Variants in ZDHHC3 observed in about 807,000 individuals in gnomAD.
ZDHHC3 encodes the protein zDHHC palmitoyltransferase 3, also known as palmitoyltransferase ZDHHC3.
In ZDHHC3, 9 loss-of-function variants were observed where a neutral mutation model predicts 30.6. The observed-to-expected ratio is 0.29, with a 90% CI of 0.18 to 0.51. ZDHHC3 has a LOEUF of 0.51. Among genes scored for constraint, ZDHHC3 ranks in the 20% least tolerant of loss-of-function variants. The probability of loss-of-function intolerance (pLI) is 0.97; values close to 1 mark genes in which losing one functional copy is unlikely to be tolerated. For missense variants in ZDHHC3, 246 were observed against 384.2 expected (o/e 0.64, Z 3.01); for synonymous variants, 136 against 140.2 (o/e 0.97, Z 0.21).
At chr3:44,952,121 G>A (rs1456245300) in intron 2 of ZDHHC3, among the ~76,000 whole-genome samples, 3 of 152,128 alleles carry the variant, frequency 2.0e-5, no homozygotes, top group Admixed American at 6.5e-5. Context: ...CAGCTAAAAC[G>A]GAACCTGCTG....
Position 44,926,177 on chromosome 3 carries a change from C to CT in ZDHHC3, c.*511dup, listed in dbSNP as rs1195103048. 7.1e-6 allele frequency: 7 copies of CT among 985,750 alleles called. No homozygotes were observed. The highest frequency in any genetic ancestry group is 8.4e-6 in the Non-Finnish European group (7 of 830,156). The allele number at this position is 985,750 out of a possible 1,614,324, so 61.1% of individuals were successfully genotyped here. ...TGAGGTCGCTGTGCCAAGGTCCCTT[C>CT]TGATCCTGCCCTTCTCAGGCCTCAA... On this transcript the variant is annotated 3_prime_UTR_variant, in exon 7 of 7. Coordinates refer to ENST00000424952, the MANE Select transcript of ZDHHC3 (RefSeq NM_001135179.2).
At chr3:44,944,441 C>A (rs1447934248) in intron 3 of ZDHHC3, among the ~76,000 whole-genome samples, 1 of 152,040 alleles carries the variant, frequency 6.6e-6, no homozygotes, top group Non-Finnish European at 1.5e-5. Context: ...CCACTGCGCC[C>A]GGCCTAATTT....
At chr3:44,967,180 A>G (rs1705029338) in intron 1 of ZDHHC3, among the ~76,000 whole-genome samples, 1 of 152,246 alleles carries the variant, frequency 6.6e-6, no homozygotes, top group Non-Finnish European at 1.5e-5. Context: ...TGGTCGGTAA[A>G]CCGAAATTTC....
rs368845031 is a variant in ZDHHC3 at position 44,917,961 on chromosome 3, G to A, written c.*8728C>T. On this transcript the variant is annotated 3_prime_UTR_variant, in exon 7 of 7. Coordinates refer to ENST00000424952, the MANE Select transcript of ZDHHC3 (RefSeq NM_001135179.2). ...CCTCTGATGGATCCTCCATTGTTTC[G>A]GTGTCTGACAGCGATGTCACCTGCC... 3.2e-5 allele frequency: 42 copies of A among 1,305,132 alleles called. No homozygotes were observed. The highest frequency in any genetic ancestry group is 4.6e-5 in the Admixed American group (2 of 43,540). The allele number at this position is 1,305,132 out of a possible 1,614,324, so 80.8% of individuals were successfully genotyped here. A position where few individuals can be genotyped will look rare whatever the true frequency, so the allele number is the denominator to read the frequency against.
intron 2 of ZDHHC3, among the ~76,000 whole-genome samples, chr3:44,954,301 A>T (rs1483643887): frequency 6.6e-6 from 1 of 152,238 alleles, no homozygotes; most frequent in Non-Finnish European, 1.5e-5. Flanking sequence ...ATGATGTTTC[A>T]GTCAATGACA....
chr3:44,947,215 A>G (rs2125873764), intron 2 of ZDHHC3, among the ~76,000 whole-genome samples: 1 of 152,286 alleles, frequency 6.6e-6, no homozygotes, highest in South Asian at 2.1e-4. Context: ...CCATTAAGAG[A>G]GCAGAAGGAA....
chr3:44,965,009 C>A (rs1207929159), intron 1 of ZDHHC3, among the ~76,000 whole-genome samples: 2 of 152,092 alleles, frequency 1.3e-5, no homozygotes, highest in Non-Finnish European at 2.9e-5. Flanking sequence ...GGAAACGGAT[C>A]CACAGGCCCA....
At chr3:44,950,765 A>G (rs1465215926) in intron 2 of ZDHHC3, among the ~76,000 whole-genome samples, 1 of 152,128 alleles carries the variant, frequency 6.6e-6, no homozygotes, top group African/African-American at 2.4e-5. Context: ...CAGATTTCAG[A>G]GCTCTTTGTT....
chr3:44,964,641 G>A (rs572394593), intron 1 of ZDHHC3, among the ~76,000 whole-genome samples: 1 of 152,334 alleles, frequency 6.6e-6, no homozygotes, highest in Admixed American at 6.5e-5. Flanking sequence ...GACCACTCTA[G>A]AAGTGACAGG....
chr3:44,934,382 C>T (rs1018482536), intron 3 of ZDHHC3, among the ~76,000 whole-genome samples: 27 of 151,624 alleles, frequency 1.8e-4, no homozygotes, highest in African/African-American at 6.6e-4. Flanking sequence ...ACCTATTTCC[C>T]CAAAAGACCA....
intron 3 of ZDHHC3, among the ~76,000 whole-genome samples, chr3:44,943,777 G>A (rs771703811): frequency 6.6e-6 from 1 of 152,140 alleles, no homozygotes; most frequent in Non-Finnish European, 1.5e-5. Flanking sequence ...AGGCTGAGGT[G>A]GGAGGATCAC....
At chr3:44,975,772 T>TCTCACA (rs1282814843) in intron 1 of ZDHHC3, among the ~76,000 whole-genome samples, 161 bp downstream of exon 1, 8 of 116,704 alleles carry the variant, frequency 6.9e-5, no homozygotes, top group South Asian at 3.1e-4. Flanking sequence ...TCTCTCTCTC[T>TCTCACA]CACACACACA....
At chr3:44,952,932 G>A (rs889858883) in intron 2 of ZDHHC3, among the ~76,000 whole-genome samples, 1 of 152,190 alleles carries the variant, frequency 6.6e-6, no homozygotes. Flanking sequence ...ATTCCTGGAG[G>A]ACAAGACAAC....
At chr3:44,932,920 G>A (rs755988396) in intron 5 of ZDHHC3, 198 bp downstream of exon 5, 2 of 1,614,172 alleles carry the variant, frequency 1.2e-6, no homozygotes, top group Non-Finnish European at 1.7e-6. Context: ...TCGAACTGAA[G>A]TTAAGGGGCT....
rs1345808385 is a variant in ZDHHC3, at chr3:44,919,484, A to G, written c.*7205T>C. 5.3e-5 allele frequency: 8 copies of G among 152,376 alleles called. No homozygotes were observed. Among genetic ancestry groups the G allele is most frequent in the African/African-American group, 1.9e-4 (8 of 41,460 alleles). The allele number at this position is 152,376 out of a possible 1,614,324, so 9.4% of individuals were successfully genotyped here. A position where few individuals can be genotyped will look rare whatever the true frequency, so the allele number is the denominator to read the frequency against. ...TTACAAAACATTGTGAATGCATTAAATGTACACTTTAAAATGGCTAATTTT... is the reference window on the plus strand; with the variant it reads ...TTACAAAACATTGTGAATGCATTAAGTGTACACTTTAAAATGGCTAATTTT... On this transcript the variant is annotated 3_prime_UTR_variant, in exon 7 of 7. Coordinates refer to ENST00000424952, the MANE Select transcript of ZDHHC3 (RefSeq NM_001135179.2).
intron 1 of ZDHHC3, among the ~76,000 whole-genome samples, chr3:44,963,346 C>A (rs1346320036): frequency 6.6e-6 from 1 of 152,158 alleles, no homozygotes; most frequent in African/African-American, 2.4e-5. Context: ...GCACATTCCA[C>A]ACTTAGAGTT....
intron 2 of ZDHHC3, among the ~76,000 whole-genome samples, chr3:44,951,037 T>A (rs890294514): frequency 6.6e-6 from 1 of 152,126 alleles, no homozygotes; most frequent in Admixed American, 6.5e-5. Context: ...AAAATACAGA[T>A]GAAAAAGTGG....
chr3:44,952,491 C>T (rs569788814), intron 2 of ZDHHC3, among the ~76,000 whole-genome samples: 21 of 152,314 alleles, frequency 1.4e-4, no homozygotes, highest in African/African-American at 5.1e-4. Flanking sequence ...TCACATTATT[C>T]CCCTGGCCTA....
chr3:44,924,092 G>C lies in ZDHHC3; in HGVS notation c.*2597C>G, dbSNP rs1300252451. 2 of 985,316 alleles carry C rather than the reference G, an allele frequency of 2.0e-6. No homozygotes were observed. The allele number at this position is 985,316 out of a possible 1,614,324, so 61.0% of individuals were successfully genotyped here. A position where few individuals can be genotyped will look rare whatever the true frequency, so the allele number is the denominator to read the frequency against. ...ACTCCCCAGAGCCCAGGCTCTGAAA[G>C]ACTGTGGCTACGACTGGTTCAATTT... On this transcript the variant is annotated 3_prime_UTR_variant, in exon 7 of 7. Coordinates refer to ENST00000424952, the MANE Select transcript of ZDHHC3 (RefSeq NM_001135179.2).
Sources: allele counts gnomAD v4.1 joint callset (sites outside exome capture counted in the v4.1 genomes callset), GRCh38; gene constraint gnomAD v4.1.1; transcripts MANE v1.5; gene names NCBI Gene and HGNC (gene_info 2026-07-23, HGNC 2026-07-21).